UBR4: variants seen among roughly 807,000 people sequenced by gnomAD.
The protein encoded by UBR4 is E3 ubiquitin-protein ligase UBR4.
Under a neutral mutation model 575.6 loss-of-function variants are expected in UBR4, and 124 were observed. That is an observed-to-expected ratio of 0.22 (90% CI 0.19 to 0.25). The LOEUF is 0.25. UBR4 is among the 10% of genes least tolerant of loss of function. The probability of loss-of-function intolerance (pLI) is 1.00; values close to 1 mark genes in which losing one functional copy is unlikely to be tolerated. For missense variants in UBR4, 4,818 were observed against 6,478.8 expected (o/e 0.74, Z 8.80); for synonymous variants, 2,455 against 2,473.7 (o/e 0.99, Z 0.22).
At chr1:19,171,798 T>C (rs1039271492) in intron 25 of UBR4, among the ~76,000 whole-genome samples, 2 of 152,126 alleles carry the variant, frequency 1.3e-5, no homozygotes, top group African/African-American at 4.8e-5. Flanking sequence ...TGAGATGAGA[T>C]CGCACCACTG....
Position 19,154,952 on chromosome 1 carries a change from C to T in UBR4, c.6424G>A (p.Glu2142Lys). 6.2e-7 allele frequency: 1 copy of T among 1,614,162 alleles called. No individual in the cohort carries two copies. Among genetic ancestry groups the T allele is most frequent in the East Asian group, 2.2e-5 (1 of 44,882 alleles). ...FAATISRTTLEVLQLFPINIK... is the reference protein window; with the variant it reads ...FAATISRTTLKVLQLFPINIK... ...TTGATGGGGAAGAGTTGCAACACCT[C>T]CAGGGTTGTCCTGCTGATGGTGGCT... Residue 2142 changes from glutamate to lysine, a missense_variant, in exon 44 of 106, where the codon GAG (glutamate) becomes AAG (lysine). By Grantham distance (56) the Glu-to-Lys change is moderately conservative. Coordinates refer to ENST00000375254, the MANE Select transcript of UBR4 (RefSeq NM_020765.3).
At chr1:19,086,416 T>C (rs974554829) in intron 100 of UBR4, 146 bp from the exon 101 acceptor site, 44 of 1,264,236 alleles carry the variant, frequency 3.5e-5, no homozygotes, top group Admixed American at 1.6e-4. Flanking sequence ...GAAGAGAATT[T>C]GCTATTTGTA....
chr1:19,136,210 A>C (rs575495264), intron 60 of UBR4, among the ~76,000 whole-genome samples: 1 of 152,326 alleles, frequency 6.6e-6, no homozygotes, highest in Admixed American at 6.5e-5. Context: ...TTTAGGAAAA[A>C]AATAATCCTG....
rs2086649281 is a variant in UBR4, at chr1:19,157,711, CT to C, written c.5760+103del. On this transcript the variant is annotated intron_variant, in intron 40 of 105. Coordinates refer to ENST00000375254, the MANE Select transcript of UBR4 (RefSeq NM_020765.3). The surrounding 1 kb of genome is among the most constrained non-coding windows in gnomAD (Gnocchi z 4.4). ...TGAAGCATTCTTAGAACGCAGTGGA[CT>C]TTTTCCCACAGAGGGCTAATCCGAA... The C allele has an allele frequency of 2.8e-6, 4 of 1,449,874 alleles. No homozygotes were observed. Among genetic ancestry groups the C allele is most frequent in the East Asian group, 4.7e-5 (2 of 42,770 alleles). The allele number at this position is 1,449,874 out of a possible 1,614,324, so 89.8% of individuals were successfully genotyped here.
At chr1:19,140,943 C>T (rs376710308) in intron 57 of UBR4, 51 bp from the exon 58 acceptor site, 3 of 1,535,128 alleles carry the variant, frequency 2.0e-6, no homozygotes, top group Non-Finnish European at 2.6e-6. Flanking sequence ...GTCCCATCCA[C>T]AGCGCTGCTT....
At chr1:19,091,428 T>TCA (rs2077501827) in intron 97 of UBR4, among the ~76,000 whole-genome samples, 1 of 152,192 alleles carries the variant, frequency 6.6e-6, no homozygotes, top group African/African-American at 2.4e-5. Context: ...GGAACTATTT[T>TCA]CAATGCAGAA....
intron 20 of UBR4, 134 bp from the exon 21 acceptor site, chr1:19,175,167 A>G: frequency 1.2e-6 from 1 of 844,034 alleles, no homozygotes; most frequent in South Asian, 1.9e-5. Context: ...GGAGCCAGAT[A>G]AGTGTTTGCT....
intron 66 of UBR4, 77 bp from the exon 67 acceptor site, chr1:19,122,089 G>T: frequency 6.9e-7 from 1 of 1,449,550 alleles, no homozygotes. Flanking sequence ...GCTGCCTGGA[G>T]CCATCTCCCT....
chr1:19,117,506 A>G lies in UBR4; in HGVS notation c.10630-92T>C, dbSNP rs566832814. On this transcript the variant is annotated intron_variant, in intron 72 of 105. Transcript: ENST00000375254. This position sits in a 1 kb window ranked among gnomAD's most constrained non-coding sequence, Gnocchi z 4.0. ...CAGTGTAACCCACTCTTCATCCACA[A>G]GATGAAGTTTCTATTTAATTTTTTA... 1.5e-6 allele frequency: 2 copies of G among 1,326,690 alleles called. No individual in the cohort carries two copies. The highest frequency in any genetic ancestry group is 2.4e-5 in the East Asian group (1 of 42,404). The allele number at this position is 1,326,690 out of a possible 1,614,324, so 82.2% of individuals were successfully genotyped here. A position where few individuals can be genotyped will look rare whatever the true frequency, so the allele number is the denominator to read the frequency against.
chr1:19,097,091 A>T, intron 91 of UBR4, 102 bp downstream of exon 91: 3 of 883,464 alleles, frequency 3.4e-6, no homozygotes, highest in Non-Finnish European at 4.9e-6. Flanking sequence ...ATTCTGATGC[A>T]GAGGTACAAG....
At chr1:19,163,318 C>G (rs2087712267) in intron 34 of UBR4, among the ~76,000 whole-genome samples, 1 of 152,226 alleles carries the variant, frequency 6.6e-6, no homozygotes, top group African/African-American at 2.4e-5. Flanking sequence ...TGCAGGATTT[C>G]TGTCAGTTTC....
chr1:19,158,024 G>A, intron 39 of UBR4, 27 bp from the exon 40 acceptor site: 1 of 1,598,144 alleles, frequency 6.3e-7, no homozygotes, highest in Non-Finnish European at 8.6e-7. Context: ...CAGAGAAAGT[G>A]GGCAGTAATG....
Position 19,110,426 on chromosome 1 carries a change from A to C in UBR4, c.11931T>G (p.Asp3977Glu), listed in dbSNP as rs750719401. 1 of 1,614,154 alleles carries C rather than the reference A, an allele frequency of 6.2e-7. No homozygotes were observed. Among genetic ancestry groups the C allele is most frequent in the East Asian group, 2.2e-5 (1 of 44,886 alleles). The change falls in exon 80 of 106, where the codon GAT becomes GAG. Residue 3977 changes from aspartate to glutamate, a missense_variant. By Grantham distance (45) the Asp-to-Glu change is conservative (BLOSUM62 2). Coordinates refer to ENST00000375254, the MANE Select transcript of UBR4 (RefSeq NM_020765.3). The surrounding 1 kb of genome is among the most constrained non-coding windows in gnomAD (Gnocchi z 4.5). ...AGCAGCTGTCCTCCTTGGAGATAGA[A>C]TCCGTCAGCAGCAGCATTTCATACT... Reference protein sequence around the residue: ...SLQYEMLLLTDSISKEDSCWE... With the variant: ...SLQYEMLLLTESISKEDSCWE...
rs1426922806 is a variant in UBR4, at chr1:19,129,031, T to C, written c.8950A>G (p.Thr2984Ala). 14 of 1,613,946 alleles carry C rather than the reference T, an allele frequency of 8.7e-6. No homozygotes were observed. Among genetic ancestry groups the C allele is most frequent in the Non-Finnish European group, 1.2e-5 (14 of 1,179,964 alleles). ...CCAACGTTTCGTAATTGAGGCAGGG[T>C]CTGCAGTAATCTCTCCAACAGCATT... ...RLMLLERLLQTLPQLRNVGGV... is the reference protein window; with the variant it reads ...RLMLLERLLQALPQLRNVGGV... Residue 2984 changes from threonine (T) to alanine (A), a missense_variant, in exon 61 of 106, where the codon ACC becomes GCC. Around this residue, in one of 29 missense-constraint regions of UBR4, gnomAD observed 87 missense variants for 82.8 expected, o/e 1.05. Transcript: ENST00000375254.
At position 19,124,773 on chromosome 1, in the gene UBR4, G is replaced by A. The variant is rs370368916; in HGVS notation, c.9439-83C>T. ...TAGGAAAAAGCCTGGCTCATTAGAC[G>A]TATTACATGTTGGAGGTGGTAAAGG... is the stretch of plus-strand genomic sequence containing the variant. On this transcript the variant is annotated intron_variant, in intron 64 of 105. Transcript: ENST00000375254. 214 of 1,533,452 alleles carry A rather than the reference G, an allele frequency of 1.4e-4. No individual in the cohort carries two copies. In the African/African-American group the frequency reaches 2.3e-3, roughly 17 times the overall value. 95.0% of individuals were successfully genotyped at this position (1,533,452 alleles called of 1,614,324 possible).
In UBR4 at chr1:19,177,701, C is replaced by T. The variant is rs770496611; in HGVS notation, c.2397G>A (p.Val799=). The stretch of plus-strand genomic sequence containing the variant: ...CATTCAGATCCTCTGTCTCACTGGG[C>T]ACCACACCTTGCAGGGCATTCTGCT... ...TMKQNALQGV[V]PSETEDLNVE... The change falls in exon 19 of 106, where the codon GTG becomes GTA. Residue 799 remains valine (V), a synonymous_variant. Coordinates refer to ENST00000375254, the MANE Select transcript of UBR4 (RefSeq NM_020765.3). The T allele has an allele frequency of 4.5e-5, 73 of 1,613,940 alleles. No homozygotes were observed. The East Asian group carries it at 1.5e-3, about 33-fold the overall frequency.
intron 60 of UBR4, among the ~76,000 whole-genome samples, chr1:19,136,141 C>T (rs1237064293): frequency 2.0e-5 from 3 of 151,976 alleles, no homozygotes; most frequent in Non-Finnish European, 4.4e-5. Flanking sequence ...TCCAGACCAA[C>T]AAAATCTGAG....
At position 19,105,181 on chromosome 1, in the gene UBR4, T is replaced by C. The variant is rs1473842750; in HGVS notation, c.12512A>G (p.Asp4171Gly). ...ACACTCCCCAGCTATGCTCAGCTCATCCAGGTAACTGCCACCAAGAGGGAC... is the reference window on the plus strand; with the variant it reads ...ACACTCCCCAGCTATGCTCAGCTCACCCAGGTAACTGCCACCAAGAGGGAC... ...QVLDLLTSYL[D>G]ELSIAGECAA... Residue 4171 changes from aspartate (D) to glycine (G), a missense_variant, in exon 85 of 106, where the codon GAT becomes GGT. Physicochemically the swap from Asp to Gly is moderately conservative, Grantham distance 94 (BLOSUM62 -1). This residue lies in a region of UBR4 where 178 missense variants were observed against 175.5 expected (regional missense o/e 1.01). Coordinates refer to ENST00000375254, the MANE Select transcript of UBR4 (RefSeq NM_020765.3). 1 of 1,612,258 alleles carries C rather than the reference T, an allele frequency of 6.2e-7. No homozygotes were observed. The highest frequency in any genetic ancestry group is 1.3e-5 in the African/African-American group (1 of 74,736).
chr1:19,195,204 G>A (rs997766322), intron 8 of UBR4, among the ~76,000 whole-genome samples: 52 of 151,054 alleles, frequency 3.4e-4, no homozygotes, highest in African/African-American at 1.2e-3. Flanking sequence ...GGTGGAGCTT[G>A]CAGTGAGCCA....
Sources: gnomAD v4.1 joint callset for allele counts (sites outside exome capture counted in the v4.1 genomes callset) on GRCh38, gnomAD v4.1.1 for gene constraint, gnomAD v4.1.1 regional missense constraint, Gnocchi (gnomAD v3.1) non-coding constraint, MANE v1.5 for transcripts, NCBI Gene and HGNC (gene_info 2026-07-23, HGNC 2026-07-21) for gene names.